The following DPY19L3 variants were observed in gnomAD, a reference collection of about 807,000 sequenced individuals.
The protein encoded by DPY19L3 is protein C-mannosyl-transferase DPY19L3.
A neutral mutation model predicts 92.3 loss-of-function variants in DPY19L3; 51 were observed. The ratio of observed to expected loss-of-function variants is 0.55; its 90% CI spans 0.44 to 0.70. The LOEUF (loss-of-function observed/expected upper bound fraction) is 0.70, where lower values mean the gene tolerates loss of function less well. Ranked by LOEUF, DPY19L3 falls within the 30% of genes least tolerant of loss-of-function variation. DPY19L3 has a pLI of 0.00. For synonymous variants in DPY19L3, 309 were observed against 315.2 expected (o/e 0.98, Z 0.21); for missense variants, 706 against 855.9 (o/e 0.82, Z 2.18).
intron 9 of DPY19L3, among the ~76,000 whole-genome samples, chr19:32,454,124 CTGT>C (rs1331454963): frequency 6.6e-6 from 1 of 152,118 alleles, no homozygotes. Context: ...CGTATTTGAA[CTGT>C]TAAGATATTA....
chr19:32,469,983 T>C (rs752212785), intron 16 of DPY19L3, among the ~76,000 whole-genome samples: 11 of 152,214 alleles, frequency 7.2e-5, no homozygotes, highest in Non-Finnish European at 1.6e-4. Flanking sequence ...TGGCTAATGC[T>C]TACTCACCAG....
chr19:32,438,251 A>G (rs1029125454), intron 6 of DPY19L3, among the ~76,000 whole-genome samples: 4 of 152,198 alleles, frequency 2.6e-5, no homozygotes, highest in Admixed American at 2.0e-4. Context: ...TAAGCAAATT[A>G]CGTGTTATGA....
At chr19:32,428,630 C>T (rs1968849687) in intron 3 of DPY19L3, among the ~76,000 whole-genome samples, 1 of 152,134 alleles carries the variant, frequency 6.6e-6, no homozygotes, top group African/African-American at 2.4e-5. Context: ...TTTTAAAAAG[C>T]TAATTTGATG....
intron 3 of DPY19L3, among the ~76,000 whole-genome samples, chr19:32,425,933 T>C (rs1264878234): frequency 6.6e-6 from 1 of 152,238 alleles, no homozygotes; most frequent in Admixed American, 6.5e-5. Flanking sequence ...CTCTGAAGCT[T>C]TGAAGTCAGG....
At chr19:32,466,304 C>T (rs763352279) in intron 15 of DPY19L3, among the ~76,000 whole-genome samples, 1 of 152,122 alleles carries the variant, frequency 6.6e-6, no homozygotes, top group Non-Finnish European at 1.5e-5. Flanking sequence ...TGTTTGGGTC[C>T]CACTCCAGAC....
intron 16 of DPY19L3, among the ~76,000 whole-genome samples, chr19:32,475,111 A>G (rs956868696): frequency 6.6e-6 from 1 of 152,224 alleles, no homozygotes; most frequent in African/African-American, 2.4e-5. Context: ...GCTGGATAAC[A>G]AGGCCTGTCA....
chr19:32,443,376 T>C (rs1049741202), intron 8 of DPY19L3, among the ~76,000 whole-genome samples: 1 of 152,144 alleles, frequency 6.6e-6, no homozygotes, highest in Admixed American at 6.5e-5. Context: ...CCCCACCAAA[T>C]TTATATGTTG....
intron 16 of DPY19L3, among the ~76,000 whole-genome samples, chr19:32,476,009 G>A (rs1025865923): frequency 1.3e-5 from 2 of 152,224 alleles, no homozygotes; most frequent in Admixed American, 6.5e-5. Flanking sequence ...TTATTGGAAT[G>A]CAAGTGAATG....
Position 32,436,579 on chromosome 19 carries a change from G to A in DPY19L3, c.450+12G>A, listed in dbSNP as rs778789125. On this transcript the variant is annotated intron_variant, in intron 5 of 18. Coordinates refer to ENST00000392250, the MANE Select transcript of DPY19L3 (RefSeq NM_001172774.2). ...TTCTACCCATACAGGTATGTTTTGT[G>A]ATATTGAATTATTAATATCAGATGA... 2.5e-5 allele frequency: 37 copies of A among 1,464,304 alleles called. No homozygotes were observed. Among genetic ancestry groups the A allele is most frequent in the Non-Finnish European group, 3.2e-5 (35 of 1,097,012 alleles). The allele number at this position is 1,464,304 out of a possible 1,614,324, so 90.7% of individuals were successfully genotyped here.
chr19:32,465,361 A>G (rs1307793092), intron 15 of DPY19L3, among the ~76,000 whole-genome samples: 1 of 152,226 alleles, frequency 6.6e-6, no homozygotes, highest in Non-Finnish European at 1.5e-5. Context: ...AGAGACAATG[A>G]TCATTGGTCA....
chr19:32,480,283 G>T, intron 17 of DPY19L3, 116 bp from the exon 18 acceptor site: 1 of 1,200,556 alleles, frequency 8.3e-7, no homozygotes, highest in Non-Finnish European at 1.1e-6. Flanking sequence ...CTGGGCTGGA[G>T]AGAGCACCTT....
At chr19:32,423,244 A>G (rs1251481055) in intron 3 of DPY19L3, among the ~76,000 whole-genome samples, 1 of 151,816 alleles carries the variant, frequency 6.6e-6, no homozygotes, top group Non-Finnish European at 1.5e-5. Flanking sequence ...CATTAATTTT[A>G]TTTATTTATT....
intron 9 of DPY19L3, among the ~76,000 whole-genome samples, chr19:32,454,522 G>A (rs962331948): frequency 2.6e-5 from 4 of 152,076 alleles, no homozygotes; most frequent in East Asian, 1.9e-4. Context: ...TGCAGTGAGC[G>A]GAGATTGCTC....
chr19:32,409,134 T>G (rs1968088010), intron 2 of DPY19L3, among the ~76,000 whole-genome samples: 1 of 152,216 alleles, frequency 6.6e-6, no homozygotes, highest in South Asian at 2.1e-4. Flanking sequence ...TAGCGAGTGA[T>G]TAACACGTTT....
intron 17 of DPY19L3, among the ~76,000 whole-genome samples, chr19:32,480,165 A>T (rs1348613524): frequency 6.6e-6 from 1 of 152,182 alleles, no homozygotes; most frequent in Non-Finnish European, 1.5e-5. Flanking sequence ...TTCTGAATCC[A>T]GATGTGTTCT....
chr19:32,423,680 A>G (rs918929682), intron 3 of DPY19L3, among the ~76,000 whole-genome samples: 1 of 152,162 alleles, frequency 6.6e-6, no homozygotes, highest in Non-Finnish European at 1.5e-5. Context: ...TGTAATACGT[A>G]TAACACAAGA....
intron 5 of DPY19L3, 95 bp from the exon 6 acceptor site, chr19:32,437,098 GC>G: frequency 6.9e-7 from 1 of 1,454,532 alleles, no homozygotes; most frequent in South Asian, 1.3e-5. Flanking sequence ...TTAGAGGCAA[GC>G]TCCTGCATAT....
chr19:32,472,825 C>A (rs138168406), intron 16 of DPY19L3, among the ~76,000 whole-genome samples: 120 of 152,226 alleles, frequency 7.9e-4, no homozygotes, highest in African/African-American at 2.7e-3. Context: ...AGTCTCTTTC[C>A]AGTAATGAAA....
At chr19:32,445,445 A>AAAAAAAAAAAAAAAAAAAAAAAC in intron 8 of DPY19L3, among the ~76,000 whole-genome samples, 1 of 147,004 alleles carries the variant, frequency 6.8e-6, no homozygotes, top group Non-Finnish European at 1.5e-5. Context: ...CATCTCAAAA[A>AAAAAAAAAAAAAAAAAAAAAAAC]AAAAAAAAAA....
Sources: gnomAD v4.1 joint callset for allele counts (sites outside exome capture counted in the v4.1 genomes callset) on GRCh38, gnomAD v4.1.1 for gene constraint, MANE v1.5 for transcripts, NCBI Gene and HGNC (gene_info 2026-07-23, HGNC 2026-07-21) for gene names.